SCN2A: variants seen among roughly 807,000 people sequenced by gnomAD.
The protein encoded by SCN2A is sodium channel protein type 2 subunit alpha.
In SCN2A, 20 loss-of-function variants were observed where a neutral mutation model predicts 188.7. The ratio of observed to expected loss-of-function variants is 0.11; its 90% CI spans 0.07 to 0.15. The LOEUF is 0.15. Among genes scored for constraint, SCN2A ranks in the 10% least tolerant of loss-of-function variants. The pLI is 1.00. For missense variants in SCN2A, 1,278 were observed against 2,445.0 expected, an observed-to-expected ratio of 0.52 and a Z score of 10.07; for synonymous variants, 804 against 833.1, an observed-to-expected ratio of 0.97 and a Z score of 0.60.
chr2:165,365,067 G>A lies in SCN2A; in HGVS notation c.3400-76G>A, dbSNP rs948287243. On this transcript the variant is annotated intron_variant, in intron 17 of 26. Transcript: ENST00000375437. The stretch of plus-strand genomic sequence containing the variant: ...AAAATGCATACAGAAGATGGGGGGG[G>A]GGCACACCTAATTAATTTTTATATT... The A allele has an allele frequency of 1.0e-5, 13 of 1,296,466 alleles. No individual in the cohort carries two copies. In the East Asian group the frequency reaches 3.1e-4, roughly 31 times the overall value. 80.3% of individuals were successfully genotyped at this position (1,296,466 alleles called of 1,614,324 possible). A position where few individuals can be genotyped will look rare whatever the true frequency, so the allele number is the denominator to read the frequency against.
At chr2:165,364,390 C>G (rs999153572) in intron 17 of SCN2A, among the ~76,000 whole-genome samples, 1 of 152,132 alleles carries the variant, frequency 6.6e-6, no homozygotes, top group African/African-American at 2.4e-5. Context: ...AAAACAACTT[C>G]TATTATATTT....
chr2:165,353,302 C>A (rs116515483), intron 16 of SCN2A, among the ~76,000 whole-genome samples: 148 of 152,238 alleles, frequency 9.7e-4, no homozygotes, highest in Non-Finnish European at 1.8e-3. Flanking sequence ...TGGGACTTTT[C>A]ATCCAGCAAT....
At chr2:165,265,675 C>T (rs897767955) in intron 1 of SCN2A, among the ~76,000 whole-genome samples, 22 of 150,204 alleles carry the variant, frequency 1.5e-4, no homozygotes, top group African/African-American at 4.9e-4. Flanking sequence ...AAAATCCATT[C>T]ATTTTTTATA....
chr2:165,260,657 T>C (rs1284207973), intron 1 of SCN2A, among the ~76,000 whole-genome samples: 2 of 151,974 alleles, frequency 1.3e-5, no homozygotes, highest in African/African-American at 4.8e-5. Context: ...CCAAACTCTG[T>C]GCAGTCCCTG....
intron 14 of SCN2A, among the ~76,000 whole-genome samples, chr2:165,334,539 A>G (rs1232547994): frequency 6.6e-6 from 1 of 151,886 alleles, no homozygotes; most frequent in Non-Finnish European, 1.5e-5. Flanking sequence ...AATCATCTCT[A>G]TAGATGCTGT....
intron 14 of SCN2A, among the ~76,000 whole-genome samples, chr2:165,341,911 G>C (rs956309466): frequency 2.6e-5 from 4 of 152,090 alleles, no homozygotes; most frequent in African/African-American, 9.7e-5. Flanking sequence ...TCATCTGCAG[G>C]GCCAAGGGAG....
chr2:165,296,190 C>A, intron 2 of SCN2A, 100 bp downstream of exon 2: 2 of 1,145,006 alleles, frequency 1.7e-6, no homozygotes, highest in Non-Finnish European at 2.6e-6. Flanking sequence ...TTCCCTCTGT[C>A]TAAAGTATCA....
chr2:165,374,183 A>G (rs1701191638), intron 21 of SCN2A, among the ~76,000 whole-genome samples: 1 of 152,058 alleles, frequency 6.6e-6, no homozygotes, highest in Admixed American at 6.6e-5. Context: ...AATTCTTTTT[A>G]CTTTACCAAT....
chr2:165,262,226 A>T (rs76097191), intron 1 of SCN2A, among the ~76,000 whole-genome samples: 3,497 of 152,080 alleles, frequency 0.023, 133 homozygotes, highest in African/African-American at 0.079. Flanking sequence ...TTTCTTTTTT[A>T]AAAAAATTTC....
chr2:165,282,164 G>T (rs1574494244), intron 1 of SCN2A, among the ~76,000 whole-genome samples: 1 of 152,196 alleles, frequency 6.6e-6, no homozygotes, highest in East Asian at 1.9e-4. Context: ...CAGGCTGGAA[G>T]TGCCAAGGCA....
chr2:165,357,850 T>C (rs907331327), intron 17 of SCN2A, among the ~76,000 whole-genome samples: 1 of 152,186 alleles, frequency 6.6e-6, no homozygotes, highest in Non-Finnish European at 1.5e-5. Context: ...GCCACCACTT[T>C]TACCCAGGTT....
At chr2:165,289,981 C>A (rs1696026900) in intron 1 of SCN2A, among the ~76,000 whole-genome samples, 1 of 152,126 alleles carries the variant, frequency 6.6e-6, no homozygotes, top group South Asian at 2.1e-4. Context: ...CTGCAGCCAG[C>A]AAGCATGAGT....
chr2:165,355,557 A>G (rs1700135597), intron 17 of SCN2A, among the ~76,000 whole-genome samples: 1 of 152,202 alleles, frequency 6.6e-6, no homozygotes. Context: ...TAACAAAAAT[A>G]ACAAGGAAAA....
At chr2:165,264,349 T>C (rs1215230633) in intron 1 of SCN2A, among the ~76,000 whole-genome samples, 1 of 152,034 alleles carries the variant, frequency 6.6e-6, no homozygotes, top group African/African-American at 2.4e-5. Flanking sequence ...TTTTAAAAAA[T>C]CACATGATCA....
At chr2:165,268,072 T>C (rs1694950286) in intron 1 of SCN2A, 1 of 151,984 alleles carries the variant, frequency 6.6e-6, no homozygotes. Context: ...TATTGTATGA[T>C]CCAGTAATTC....
At chr2:165,343,645 T>C (rs1358056111) in intron 15 of SCN2A, among the ~76,000 whole-genome samples, 1 of 152,198 alleles carries the variant, frequency 6.6e-6, no homozygotes, top group African/African-American at 2.4e-5. Context: ...GCCTGACATT[T>C]ACTGAAGCAT....
At chr2:165,383,536 CG>C (rs1558881709) in intron 25 of SCN2A, among the ~76,000 whole-genome samples, 1 of 152,046 alleles carries the variant, frequency 6.6e-6, no homozygotes, top group African/African-American at 2.4e-5. Flanking sequence ...AGTAAGAAAC[CG>C]TTAACGTGGA....
intron 11 of SCN2A, among the ~76,000 whole-genome samples, chr2:165,318,748 T>A (rs955426440): frequency 1.3e-5 from 2 of 152,324 alleles, no homozygotes; most frequent in East Asian, 3.9e-4. Flanking sequence ...CATTCTTCAT[T>A]GCAAAGCATG....
At chr2:165,351,495 G>A (rs1314563860) in intron 16 of SCN2A, among the ~76,000 whole-genome samples, 1 of 151,404 alleles carries the variant, frequency 6.6e-6, no homozygotes, top group Non-Finnish European at 1.5e-5. Flanking sequence ...GTATCGGTAA[G>A]AGTAAACATG....
Sources: allele counts gnomAD v4.1 joint callset (sites outside exome capture counted in the v4.1 genomes callset), GRCh38; gene constraint gnomAD v4.1.1; transcripts MANE v1.5; gene names NCBI Gene and HGNC (gene_info 2026-07-23, HGNC 2026-07-21).